ARB2A: variants seen among roughly 807,000 people sequenced by gnomAD.
ARB2A encodes the protein ARB2 cotranscriptional regulator A.
the ARB2A span, among the ~76,000 whole-genome samples, chr5:93,806,976 CCACACAATAAT>C: frequency 1.3e-5 from 2 of 151,940 alleles, no homozygotes; most frequent in East Asian, 3.9e-4. Flanking sequence ...TTAATTACAA[CCACACAATAAT>C]CAAATTCAGC....
chr5:93,673,330 T>C, the ARB2A span, among the ~76,000 whole-genome samples: 1 of 152,282 alleles, frequency 6.6e-6, no homozygotes, highest in East Asian at 1.9e-4. Context: ...TCTCATTTTC[T>C]AGAGATCTGG....
the ARB2A span, among the ~76,000 whole-genome samples, chr5:94,106,302 A>G: frequency 1.3e-5 from 2 of 152,082 alleles, no homozygotes; most frequent in Non-Finnish European, 2.9e-5. Flanking sequence ...AAAACCCATA[A>G]AAAATGGGCA....
chr5:93,781,992 G>C, the ARB2A span: 2 of 925,240 alleles, frequency 2.2e-6, no homozygotes, highest in Non-Finnish European at 2.6e-6. Context: ...AGGGGAGGAA[G>C]TTTCATCCTG....
the ARB2A span, among the ~76,000 whole-genome samples, chr5:93,956,699 G>C: frequency 6.6e-6 from 1 of 150,946 alleles, no homozygotes; most frequent in African/African-American, 2.4e-5. Flanking sequence ...AAGTAAGAAT[G>C]GGACAGCTTC....
At chr5:93,768,520 C>CAT in the ARB2A span, among the ~76,000 whole-genome samples, 21 of 149,616 alleles carry the variant, frequency 1.4e-4, no homozygotes, top group African/African-American at 4.9e-4. Flanking sequence ...TATATACATA[C>CAT]ATATATATAC....
At chr5:94,099,821 C>T in the ARB2A span, among the ~76,000 whole-genome samples, 20 of 151,808 alleles carry the variant, frequency 1.3e-4, no homozygotes, top group Non-Finnish European at 2.2e-4. Flanking sequence ...ATGAGAAACC[C>T]GCAGCCAACA....
chr5:93,997,877 A>AG, the ARB2A span, among the ~76,000 whole-genome samples: 2 of 151,920 alleles, frequency 1.3e-5, no homozygotes, highest in Non-Finnish European at 2.9e-5. Context: ...TTTTGAATAA[A>AG]TTAACTTCCA....
At chr5:93,971,410 A>C in the ARB2A span, among the ~76,000 whole-genome samples, 134 of 151,964 alleles carry the variant, frequency 8.8e-4, no homozygotes, top group African/African-American at 3.2e-3. Flanking sequence ...TCTACTAAAA[A>C]TACAAAATTA....
the ARB2A span, among the ~76,000 whole-genome samples, chr5:93,658,943 A>AT: frequency 5.2e-4 from 58 of 110,590 alleles, no homozygotes; most frequent in African/African-American, 1.9e-3. Flanking sequence ...GGGATAGGGT[A>AT]TGGTTAGTAC....
the ARB2A span, among the ~76,000 whole-genome samples, chr5:93,785,729 T>C: frequency 2.7e-4 from 41 of 152,304 alleles, no homozygotes; most frequent in East Asian, 7.3e-3. Context: ...TTTCTGCTTA[T>C]ATAATATAAA....
At chr5:93,745,180 C>T in the ARB2A span, among the ~76,000 whole-genome samples, 1 of 152,164 alleles carries the variant, frequency 6.6e-6, no homozygotes, top group Non-Finnish European at 1.5e-5. Flanking sequence ...AAACAGTGAA[C>T]ACAGAGTTAA....
the ARB2A span, among the ~76,000 whole-genome samples, chr5:93,827,525 C>A: frequency 1.1e-4 from 17 of 152,074 alleles, no homozygotes; most frequent in Admixed American, 5.2e-4. Context: ...GATTGCAAAA[C>A]TTTTCCTCCA....
At chr5:94,019,092 G>A in the ARB2A span, among the ~76,000 whole-genome samples, 2 of 152,138 alleles carry the variant, frequency 1.3e-5, no homozygotes, top group African/African-American at 2.4e-5. Context: ...ATGGTGTTGG[G>A]AAAACTGACG....
chr5:93,815,217 A>T, the ARB2A span, among the ~76,000 whole-genome samples: 1 of 152,200 alleles, frequency 6.6e-6, no homozygotes, highest in African/African-American at 2.4e-5. Context: ...TTCATTCAAT[A>T]GAAGTGTTAA....
chr5:94,071,053 C>A, the ARB2A span, among the ~76,000 whole-genome samples: 1 of 151,924 alleles, frequency 6.6e-6, no homozygotes, highest in Admixed American at 6.6e-5. Context: ...CAACTCAGGA[C>A]AAATGAAAAT....
chr5:93,862,157 C>T, the ARB2A span: 179 of 152,232 alleles, frequency 1.2e-3, no homozygotes, highest in African/African-American at 4.1e-3. Context: ...AGTATATTTA[C>T]AAATAGAAAA....
chr5:93,684,273 A>G, the ARB2A span, among the ~76,000 whole-genome samples: 1 of 152,196 alleles, frequency 6.6e-6, no homozygotes, highest in Non-Finnish European at 1.5e-5. Context: ...GTCAGGCTGC[A>G]TTATTTCCTA....
the ARB2A span, among the ~76,000 whole-genome samples, chr5:94,002,130 C>T: frequency 6.6e-6 from 1 of 152,002 alleles, no homozygotes; most frequent in Non-Finnish European, 1.5e-5. Flanking sequence ...TTGAAGTTGA[C>T]TATTTCCCTT....
the ARB2A span, among the ~76,000 whole-genome samples, chr5:93,685,421 T>C: frequency 6.6e-6 from 1 of 152,192 alleles, no homozygotes; most frequent in African/African-American, 2.4e-5. Context: ...TCCATTTACT[T>C]GTTTACATTC....
Sources: allele counts gnomAD v4.1 joint callset (sites outside exome capture counted in the v4.1 genomes callset), GRCh38; gene constraint gnomAD v4.1.1; transcripts MANE v1.5; gene names NCBI Gene and HGNC (gene_info 2026-07-23, HGNC 2026-07-21).